The following DNAJC6 variants were observed in gnomAD, a reference collection of about 807,000 sequenced individuals.
DNAJC6 encodes the protein DnaJ heat shock protein family (Hsp40) member C6.
DNAJC6 carries 34 observed loss-of-function variants against 110.0 expected under a neutral mutation model. The ratio of observed to expected loss-of-function variants is 0.31; its 90% CI spans 0.24 to 0.41. DNAJC6 has a LOEUF of 0.41. DNAJC6 is among the 10% of genes least tolerant of loss of function. DNAJC6 has a pLI of 1.00. For synonymous variants in DNAJC6, 406 were observed against 437.2 expected (o/e 0.93, Z 0.89); for missense variants, 1,031 against 1,207.8 (o/e 0.85, Z 2.17).
intron 1 of DNAJC6, among the ~76,000 whole-genome samples, chr1:65,296,658 G>A (rs946845363): frequency 6.9e-6 from 1 of 144,650 alleles, no homozygotes; most frequent in Non-Finnish European, 1.5e-5. Context: ...CGCGATCTTA[G>A]CTCACTGCAA....
intron 1 of DNAJC6, among the ~76,000 whole-genome samples, chr1:65,275,303 A>G (rs916171909): frequency 1.3e-5 from 2 of 152,180 alleles, no homozygotes; most frequent in African/African-American, 4.8e-5. Context: ...TGATCTGGAA[A>G]TGAGTTGATT....
chr1:65,313,604 C>T (rs1452786141), intron 1 of DNAJC6, among the ~76,000 whole-genome samples: 1 of 152,148 alleles, frequency 6.6e-6, no homozygotes, highest in East Asian at 1.9e-4. Context: ...CCCCATTGAA[C>T]TAAACTTTTG....
chr1:65,411,130 T>C lies in DNAJC6; in HGVS notation c.2635-120T>C, dbSNP rs112796353. The C allele has an allele frequency of 3.2e-6, 3 of 941,950 alleles. No homozygotes were observed. The African/African-American group carries it at 5.0e-5, about 16-fold the overall frequency. The allele number at this position is 941,950 out of a possible 1,614,324, so 58.3% of individuals were successfully genotyped here. A position where few individuals can be genotyped will look rare whatever the true frequency, so the allele number is the denominator to read the frequency against. On this transcript the variant is annotated intron_variant, in intron 17 of 18. Transcript: ENST00000371069. ...CAGGTAGAGGAAACAGCCTGGATCA[T>C]ACAGGTTGCCCTAAGTGTTTTGATG... is the stretch of plus-strand genomic sequence containing the variant.
intron 15 of DNAJC6, 150 bp from the exon 16 acceptor site, chr1:65,405,720 G>A: frequency 1.2e-6 from 1 of 852,258 alleles, no homozygotes; most frequent in Admixed American, 3.3e-5. Context: ...TAATATGTAT[G>A]CCTGCAATTG....
chr1:65,358,820 A>G (rs1645572027), intron 1 of DNAJC6, among the ~76,000 whole-genome samples: 1 of 152,176 alleles, frequency 6.6e-6, no homozygotes, highest in Non-Finnish European at 1.5e-5. Flanking sequence ...CACTATCTTG[A>G]TGAACGTCTC....
chr1:65,402,233 A>G (rs565698225), intron 15 of DNAJC6, among the ~76,000 whole-genome samples: 22 of 152,378 alleles, frequency 1.4e-4, no homozygotes, highest in Non-Finnish European at 2.9e-4. Context: ...TTTGTGCCAC[A>G]TGATGCCAAC....
chr1:65,402,274 GTTACCTGTGAGAT>G (rs1208954551), intron 15 of DNAJC6, among the ~76,000 whole-genome samples: 1 of 152,138 alleles, frequency 6.6e-6, no homozygotes, highest in Admixed American at 6.5e-5. Context: ...ATGCGGTGAT[GTTACCTGTGAGAT>G]CTTCACACCG....
chr1:65,286,237 C>T (rs756692196), intron 1 of DNAJC6, among the ~76,000 whole-genome samples: 2 of 151,908 alleles, frequency 1.3e-5, no homozygotes, highest in African/African-American at 2.4e-5. Flanking sequence ...TTATGTAGAA[C>T]AGTAGTTATC....
intron 1 of DNAJC6, among the ~76,000 whole-genome samples, chr1:65,311,034 A>G (rs751175282): frequency 2.5e-4 from 38 of 151,954 alleles, no homozygotes; most frequent in Non-Finnish European, 5.1e-4. Context: ...ATTATTTTCT[A>G]TTTTCCTTGT....
chr1:65,385,867 C>T lies in DNAJC6; in HGVS notation c.956C>T (p.Thr319Ile). The T allele has an allele frequency of 1.9e-6, 3 of 1,611,674 alleles. No individual in the cohort carries two copies. Among genetic ancestry groups the T allele is most frequent in the Non-Finnish European group, 2.5e-6 (3 of 1,178,282 alleles). Reference sequence around the variant, plus strand: ...TACTGTGATGTACTCATTGGAGAAACCAAAATATATTCGACTTGCACAGAT... The same window carrying T: ...TACTGTGATGTACTCATTGGAGAAATCAAAATATATTCGACTTGCACAGAT... The part of the protein sequence containing the change: ...RPYCDVLIGE[T>I]KIYSTCTDFE... Residue 319 changes from threonine to isoleucine, a missense_variant, in exon 7 of 19, where the codon ACC (threonine) becomes ATC (isoleucine). Thr to Ile is a moderately conservative substitution (Grantham distance 89). Coordinates refer to ENST00000371069, the MANE Select transcript of DNAJC6 (RefSeq NM_001256864.2).
At chr1:65,358,722 A>T (rs951131869) in intron 1 of DNAJC6, among the ~76,000 whole-genome samples, 1 of 152,222 alleles carries the variant, frequency 6.6e-6, no homozygotes, top group Non-Finnish European at 1.5e-5. Context: ...TGATTTTAGT[A>T]GCTAACCATA....
chr1:65,282,450 T>C (rs1653883595), intron 1 of DNAJC6, among the ~76,000 whole-genome samples: 1 of 152,212 alleles, frequency 6.6e-6, no homozygotes, highest in African/African-American at 2.4e-5. Context: ...GAGACTGATA[T>C]ACTGATTGCC....
intron 4 of DNAJC6, among the ~76,000 whole-genome samples, chr1:65,371,454 A>T (rs1645704902): frequency 6.6e-6 from 1 of 152,182 alleles, no homozygotes; most frequent in Admixed American, 6.5e-5. Context: ...TAGAGTCATC[A>T]TGCAGTAAGT....
At chr1:65,347,638 A>AGT (rs1456673829) in intron 1 of DNAJC6, among the ~76,000 whole-genome samples, 1 of 151,932 alleles carries the variant, frequency 6.6e-6, no homozygotes, top group Non-Finnish European at 1.5e-5. Flanking sequence ...ACCTTTTTTC[A>AGT]TAAATTAGAA....
intron 1 of DNAJC6, among the ~76,000 whole-genome samples, chr1:65,287,740 A>C (rs761410447): frequency 6.6e-6 from 1 of 152,030 alleles, no homozygotes; most frequent in Non-Finnish European, 1.5e-5. Context: ...AGTAGGTGGG[A>C]CCACAGGTGC....
At chr1:65,288,834 G>A (rs990072474) in intron 1 of DNAJC6, among the ~76,000 whole-genome samples, 1 of 152,126 alleles carries the variant, frequency 6.6e-6, no homozygotes, top group Non-Finnish European at 1.5e-5. Context: ...CCCATTGTGT[G>A]GTAGTTGTAG....
intron 11 of DNAJC6, among the ~76,000 whole-genome samples, chr1:65,391,079 A>T (rs1481915915): frequency 6.6e-6 from 1 of 152,198 alleles, no homozygotes; most frequent in Non-Finnish European, 1.5e-5. Flanking sequence ...TTTTAGAAGG[A>T]TGATATGCTA....
intron 1 of DNAJC6, among the ~76,000 whole-genome samples, chr1:65,291,974 C>T (rs1269785628): frequency 6.6e-6 from 1 of 152,024 alleles, no homozygotes; most frequent in East Asian, 1.9e-4. Context: ...TTCCTTCGTT[C>T]TTCCTTTCTT....
intron 13 of DNAJC6, 82 bp from the exon 14 acceptor site, chr1:65,398,731 G>C: frequency 6.9e-7 from 1 of 1,440,080 alleles, no homozygotes; most frequent in Non-Finnish European, 9.7e-7. Context: ...TTCAGGGATG[G>C]AATGGCATTA....
Sources: allele counts gnomAD v4.1 joint callset (sites outside exome capture counted in the v4.1 genomes callset), GRCh38; gene constraint gnomAD v4.1.1; transcripts MANE v1.5; gene names NCBI Gene and HGNC (gene_info 2026-07-23, HGNC 2026-07-21).